UBAC2: variants seen among roughly 807,000 people sequenced by gnomAD.
UBAC2 encodes the protein UBA domain containing 2, also known as ubiquitin-associated domain-containing protein 2.
A neutral mutation model predicts 44.0 loss-of-function variants in UBAC2; 26 were observed. That is an observed-to-expected ratio of 0.59 (90% CI 0.43 to 0.82). UBAC2 has a LOEUF of 0.82. Ranked by LOEUF, UBAC2 falls within the 40% of genes least tolerant of loss-of-function variation. The pLI is 0.00. For synonymous variants in UBAC2, 155 were observed against 154.3 expected (o/e 1.00, Z -0.04); for missense variants, 329 against 419.4 (o/e 0.78, Z 1.88).
chr13:99,344,449 T>C (rs533902491), intron 7 of UBAC2, among the ~76,000 whole-genome samples: 4 of 152,356 alleles, frequency 2.6e-5, no homozygotes, highest in African/African-American at 7.2e-5. Flanking sequence ...ATACATGTTT[T>C]TGTTGTTTGC....
intron 4 of UBAC2, among the ~76,000 whole-genome samples, chr13:99,286,360 A>C (rs988292915): frequency 6.6e-6 from 1 of 152,232 alleles, no homozygotes; most frequent in Admixed American, 6.5e-5. Flanking sequence ...CAAGTTCCTC[A>C]AAGAACATTG....
At chr13:99,218,795 G>A (rs2043024481) in intron 1 of UBAC2, among the ~76,000 whole-genome samples, 1 of 152,022 alleles carries the variant, frequency 6.6e-6, no homozygotes, top group African/African-American at 2.4e-5. Flanking sequence ...TTGATCCCTG[G>A]ACAGTCTTTG....
intron 4 of UBAC2, among the ~76,000 whole-genome samples, chr13:99,257,618 A>G (rs2043587763): frequency 6.6e-6 from 1 of 152,226 alleles, no homozygotes. Flanking sequence ...AAACACAGAA[A>G]TTTTTGGATA....
chr13:99,299,883 G>C (rs1197879646), intron 4 of UBAC2, among the ~76,000 whole-genome samples: 4 of 152,124 alleles, frequency 2.6e-5, no homozygotes, highest in Non-Finnish European at 5.9e-5. Flanking sequence ...AAATTGGAGT[G>C]GTTCTTAAAA....
At chr13:99,341,342 C>T (rs544213182) in intron 7 of UBAC2, among the ~76,000 whole-genome samples, 1 of 148,362 alleles carries the variant, frequency 6.7e-6, no homozygotes, top group East Asian at 2.0e-4. Context: ...GCAGATCTCA[C>T]GATGGTTTGG....
chr13:99,290,137 G>A (rs1275335439), intron 4 of UBAC2, among the ~76,000 whole-genome samples: 1 of 152,188 alleles, frequency 6.6e-6, no homozygotes, highest in Admixed American at 6.5e-5. Flanking sequence ...CCGTGGGCAA[G>A]TTACTCAACC....
At chr13:99,207,120 T>C (rs1323170620) in intron 1 of UBAC2, among the ~76,000 whole-genome samples, 3 of 152,238 alleles carry the variant, frequency 2.0e-5, no homozygotes, top group Non-Finnish European at 4.4e-5. Flanking sequence ...GCGGGTGCCT[T>C]AGTGGCACCC....
At position 99,238,461 on chromosome 13, in the gene UBAC2, C is replaced by A; in HGVS notation, c.66C>A (p.Val22=). Residue 22 remains valine (V), a synonymous_variant, in exon 2 of 9, where the codon GTC becomes GTA. Coordinates refer to ENST00000403766, the MANE Select transcript of UBAC2 (RefSeq NM_001144072.2). Reference sequence around the variant, plus strand: ...CTCTGTCGAAGAGCCTTCTGCTGGTCCCCAGTGCCCTCTCCCTCCTGCTCG... The same window carrying A: ...CTCTGTCGAAGAGCCTTCTGCTGGTACCCAGTGCCCTCTCCCTCCTGCTCG... ...KAPLSKSLLL[V]PSALSLLLAL... is the part of the protein sequence containing the mutation. 6.2e-7 allele frequency: 1 copy of A among 1,613,842 alleles called. No homozygotes were observed. The highest frequency in any genetic ancestry group is 8.5e-7 in the Non-Finnish European group (1 of 1,179,858).
At chr13:99,350,362 G>T (rs1191151540) in intron 7 of UBAC2, among the ~76,000 whole-genome samples, 2 of 152,150 alleles carry the variant, frequency 1.3e-5, no homozygotes, top group Non-Finnish European at 2.9e-5. Context: ...TGGTTACCAG[G>T]GGAACTAATA....
At chr13:99,212,360 T>C (rs1448678928) in intron 1 of UBAC2, among the ~76,000 whole-genome samples, 1 of 152,240 alleles carries the variant, frequency 6.6e-6, no homozygotes, top group Non-Finnish European at 1.5e-5. Context: ...AAGTAATCCT[T>C]ATTTAAATCA....
chr13:99,359,109 G>GGC (rs1303985274), intron 7 of UBAC2, among the ~76,000 whole-genome samples: 2 of 152,174 alleles, frequency 1.3e-5, no homozygotes, highest in Non-Finnish European at 2.9e-5. Context: ...ACACTGAGAA[G>GGC]GCGTAGCTAG....
chr13:99,222,933 A>G (rs1436091062), intron 1 of UBAC2, among the ~76,000 whole-genome samples: 4 of 152,174 alleles, frequency 2.6e-5, no homozygotes, highest in African/African-American at 4.8e-5. Context: ...TGGTATTTAA[A>G]TGCTTGGTAG....
chr13:99,201,933 C>T (rs1330984764), intron 1 of UBAC2, among the ~76,000 whole-genome samples: 1 of 151,862 alleles, frequency 6.6e-6, no homozygotes, highest in African/African-American at 2.4e-5. Context: ...ATTAGCTGGG[C>T]GTGGTGGCGG....
At chr13:99,385,191 C>G in intron 8 of UBAC2, 37 bp from the exon 9 acceptor site, 1 of 1,480,262 alleles carries the variant, frequency 6.8e-7, no homozygotes, top group South Asian at 1.1e-5. Flanking sequence ...GCGGCAATGT[C>G]AGCGCCCTCA....
chr13:99,282,110 G>A (rs966989447), intron 4 of UBAC2, among the ~76,000 whole-genome samples: 6 of 152,324 alleles, frequency 3.9e-5, no homozygotes, highest in South Asian at 2.1e-4. Flanking sequence ...ACTGCAGGGT[G>A]GCTGGCAGCA....
At position 99,367,810 on chromosome 13, in the gene UBAC2, T is replaced by G. The variant is rs771678454; in HGVS notation, c.831T>G (p.Arg277=). The stretch of plus-strand genomic sequence containing the variant: ...AGGGAGGAATGATCAATTGGAATCG[T>G]CTTTTTCCTCCTTTACGTCAGCGAC... The part of the protein sequence containing the change: ...QQQGGMINWN[R]LFPPLRQRQN... The change falls in exon 8 of 9, where the codon CGT becomes CGG. Residue 277 remains arginine (R), a synonymous_variant. Coordinates refer to ENST00000403766, the MANE Select transcript of UBAC2 (RefSeq NM_001144072.2). 5 of 1,614,004 alleles carry G rather than the reference T, an allele frequency of 3.1e-6. No homozygotes were observed. The highest frequency in any genetic ancestry group is 4.2e-6 in the Non-Finnish European group (5 of 1,179,872).
At chr13:99,208,358 G>A (rs1360447383) in intron 1 of UBAC2, among the ~76,000 whole-genome samples, 2 of 152,126 alleles carry the variant, frequency 1.3e-5, no homozygotes, top group Non-Finnish European at 2.9e-5. Context: ...AAAGCTGTCA[G>A]GCCTTGTGAC....
intron 1 of UBAC2, among the ~76,000 whole-genome samples, chr13:99,211,396 A>G (rs2042935685): frequency 6.6e-6 from 1 of 152,224 alleles, no homozygotes; most frequent in Admixed American, 6.5e-5. Context: ...ATGACTTGTT[A>G]AGTGCTAGGA....
intron 1 of UBAC2, among the ~76,000 whole-genome samples, chr13:99,229,811 A>C (rs1023548349): frequency 6.6e-6 from 1 of 152,372 alleles, no homozygotes; most frequent in African/African-American, 2.4e-5. Context: ...TAGGGAAATG[A>C]AAAAATAGTA....
Sources: allele counts gnomAD v4.1 joint callset (sites outside exome capture counted in the v4.1 genomes callset), GRCh38; gene constraint gnomAD v4.1.1; transcripts MANE v1.5; gene names NCBI Gene and HGNC (gene_info 2026-07-23, HGNC 2026-07-21).